EHF: variants seen among roughly 807,000 people sequenced by gnomAD.
EHF encodes ETS homologous factor.
EHF carries 14 observed loss-of-function variants against 45.1 expected under a neutral mutation model. The observed-to-expected ratio is 0.31, with a 90% CI of 0.21 to 0.49. EHF has a LOEUF of 0.49. Among genes scored for constraint, EHF ranks in the 20% least tolerant of loss-of-function variants. The probability of loss-of-function intolerance (pLI) is 0.99; values close to 1 mark genes in which losing one functional copy is unlikely to be tolerated. For synonymous variants in EHF, 136 were observed against 131.8 expected, an observed-to-expected ratio of 1.03 and a Z score of -0.22; for missense variants, 282 against 371.4, an observed-to-expected ratio of 0.76 and a Z score of 1.98.
rs1417152397 is a variant in EHF, at chr11:34,642,640, G to A, written c.10G>A (p.Glu4Lys). Residue 4 changes from glutamate to lysine, a missense_variant, in exon 2 of 9, where the codon GAA becomes AAA. Around this residue, in one of 3 missense-constraint regions of EHF, gnomAD observed 213 missense variants for 247.3 expected, o/e 0.86. Transcript: ENST00000257831. ...GATCCCCTAACAGATCATGATTCTG[G>A]AAGGAGGTGGTGTAATGAATCTCAA... is the stretch of plus-strand genomic sequence containing the variant. MIL[E>K]GGGVMNLNPG... 1.2e-6 allele frequency: 2 copies of A among 1,613,166 alleles called. No homozygotes were observed. Among genetic ancestry groups the A allele is most frequent in the Non-Finnish European group, 8.5e-7 (1 of 1,179,312 alleles).
chr11:34,623,122 G>T (rs12224633), intron 1 of EHF, among the ~76,000 whole-genome samples: 17,258 of 151,834 alleles, frequency 0.11, 1,465 homozygotes, highest in East Asian at 0.48. Context: ...TGAAGTCTCC[G>T]TCGCCCAGCC....
intron 6 of EHF, 78 bp downstream of exon 6, chr11:34,651,883 T>A (rs1216448714): frequency 7.4e-7 from 1 of 1,356,008 alleles, no homozygotes; most frequent in African/African-American, 1.5e-5. Flanking sequence ...CACTCTACAT[T>A]TCTGCCTTTC....
chr11:34,643,019 T>C (rs550168773), intron 2 of EHF, among the ~76,000 whole-genome samples: 1 of 151,996 alleles, frequency 6.6e-6, no homozygotes, highest in East Asian at 1.9e-4. Context: ...TGTTGGAGCT[T>C]TTAATAGTGT....
At chr11:34,624,392 C>G in intron 1 of EHF, 1 of 809,532 alleles carries the variant, frequency 1.2e-6, no homozygotes, top group Non-Finnish European at 1.5e-6. Context: ...CCCAGGTTCT[C>G]TTAAATCTCT....
chr11:34,636,861 C>T (rs1358246315), intron 1 of EHF, among the ~76,000 whole-genome samples: 1 of 152,116 alleles, frequency 6.6e-6, no homozygotes, highest in Non-Finnish European at 1.5e-5. Flanking sequence ...GAAACCCAGT[C>T]TCTACTAAAA....
intron 6 of EHF, among the ~76,000 whole-genome samples, chr11:34,652,613 T>C (rs1368463819): frequency 6.6e-6 from 1 of 152,188 alleles, no homozygotes; most frequent in Non-Finnish European, 1.5e-5. Flanking sequence ...GTCTATGAAA[T>C]GGCACTTAGA....
At position 34,646,604 on chromosome 11, in the gene EHF, T is replaced by C; in HGVS notation, c.263T>C (p.Met88Thr). 3.1e-6 allele frequency: 5 copies of C among 1,613,824 alleles called. No homozygotes were observed. Among genetic ancestry groups the C allele is most frequent in the Non-Finnish European group, 4.2e-6 (5 of 1,179,864 alleles). Residue 88 changes from methionine (M) to threonine (T), a missense_variant, in exon 3 of 9, where the codon ATG becomes ACG. Coordinates refer to ENST00000257831, the MANE Select transcript of EHF (RefSeq NM_012153.6). ...FDINGEHLCS[M>T]SLQEFTRAAG... ...ATCAACGGCGAGCACCTCTGCAGCA[T>C]GAGTTTGCAGGAGTTCACCCGGGCG...
intron 1 of EHF, among the ~76,000 whole-genome samples, chr11:34,637,376 C>A (rs1036534698): frequency 6.6e-6 from 1 of 152,222 alleles, no homozygotes; most frequent in Non-Finnish European, 1.5e-5. Flanking sequence ...GGCACAGAAG[C>A]AGTCCAAGTG....
At chr11:34,652,252 G>A (rs1382688320) in intron 6 of EHF, among the ~76,000 whole-genome samples, 2 of 152,182 alleles carry the variant, frequency 1.3e-5, no homozygotes, top group Non-Finnish European at 2.9e-5. Flanking sequence ...GGGTGAAGGG[G>A]TAGCCATTGG....
chr11:34,622,509 T>G, intron 1 of EHF: 1 of 616,284 alleles, frequency 1.6e-6, no homozygotes, highest in African/African-American at 1.9e-5. Context: ...AGGGGAAAAA[T>G]TTATTTCTAA....
intron 5 of EHF, 49 bp downstream of exon 5, chr11:34,651,659 G>GTC: frequency 6.2e-7 from 1 of 1,608,692 alleles, no homozygotes; most frequent in South Asian, 1.1e-5. Context: ...TATTCAGTTT[G>GTC]TCTAAGAGCC....
intron 2 of EHF, among the ~76,000 whole-genome samples, chr11:34,644,779 G>C (rs1169695846): frequency 3.3e-5 from 5 of 152,198 alleles, no homozygotes; most frequent in South Asian, 4.1e-4. Context: ...CTTGTAATTC[G>C]ATAGACCAGC....
At chr11:34,644,872 G>C (rs1854358487) in intron 2 of EHF, among the ~76,000 whole-genome samples, 1 of 152,240 alleles carries the variant, frequency 6.6e-6, no homozygotes, top group Non-Finnish European at 1.5e-5. Context: ...ATCGGCATTT[G>C]AACAGTATTC....
chr11:34,627,248 G>T (rs1234598332), intron 1 of EHF, among the ~76,000 whole-genome samples: 3 of 152,030 alleles, frequency 2.0e-5, no homozygotes, highest in South Asian at 2.1e-4. Context: ...ATTAAGGGGG[G>T]ACCTCCAAAT....
At chr11:34,641,665 G>T (rs1854013347) in intron 1 of EHF, among the ~76,000 whole-genome samples, 1 of 152,180 alleles carries the variant, frequency 6.6e-6, no homozygotes, top group Admixed American at 6.5e-5. Flanking sequence ...TAGCGATCTG[G>T]AAACAGGCTG....
intron 1 of EHF, chr11:34,642,375 C>T (rs940759406): frequency 5.7e-6 from 2 of 348,852 alleles, no homozygotes; most frequent in South Asian, 1.1e-4. Context: ...CCGCTTCATT[C>T]CTGATCAGAG....
rs145311138 is a variant in EHF at position 34,622,129 on chromosome 11, A to G, written c.-4+901A>G. 2.3e-3 allele frequency: 443 copies of G among 189,950 alleles called. 2 individuals are homozygous for G. The highest frequency in any genetic ancestry group is 9.8e-3 in the African/African-American group (418 of 42,452). 11.8% of individuals were successfully genotyped at this position (189,950 alleles called of 1,614,324 possible). A position where few individuals can be genotyped will look rare whatever the true frequency, so the allele number is the denominator to read the frequency against. ...GACATTGTGGAGAAGTGTTAGCCCC[A>G]ATGTGGACTGATCTGGGAACAGTGG... is the stretch of plus-strand genomic sequence containing the variant. On this transcript the variant is annotated intron_variant, in intron 1 of 8. Coordinates refer to ENST00000257831, the MANE Select transcript of EHF (RefSeq NM_012153.6).
intron 1 of EHF, among the ~76,000 whole-genome samples, chr11:34,634,892 G>A (rs1853241929): frequency 6.6e-6 from 1 of 152,150 alleles, no homozygotes; most frequent in Non-Finnish European, 1.5e-5. Context: ...CCTCTTCTCA[G>A]CAGAGAGTGG....
At chr11:34,642,808 G>A (rs759554199) in intron 2 of EHF, 81 bp downstream of exon 2, 2 of 1,032,626 alleles carry the variant, frequency 1.9e-6, no homozygotes, top group Non-Finnish European at 3.0e-6. Flanking sequence ...CCTAATGTTT[G>A]AAAAATATAG....
Sources: allele counts gnomAD v4.1 joint callset (sites outside exome capture counted in the v4.1 genomes callset), GRCh38; gene constraint gnomAD v4.1.1; regional missense constraint gnomAD v4.1.1; transcripts MANE v1.5; gene names NCBI Gene and HGNC (gene_info 2026-07-23, HGNC 2026-07-21).